The following NFAT5 variants were observed in gnomAD, a reference collection of about 807,000 sequenced individuals.
NFAT5 encodes the protein nuclear factor of activated T cells 5.
Under a neutral mutation model 166.5 loss-of-function variants are expected in NFAT5, and 31 were observed. The ratio of observed to expected loss-of-function variants is 0.19; its 90% CI spans 0.14 to 0.25. NFAT5 has a LOEUF of 0.25. Ranked by LOEUF, NFAT5 falls within the 10% of genes least tolerant of loss-of-function variation. The pLI is 1.00. For synonymous variants in NFAT5, 612 were observed against 639.7 expected, an observed-to-expected ratio of 0.96 and a Z score of 0.65; for missense variants, 1,449 against 1,821.8, an observed-to-expected ratio of 0.80 and a Z score of 3.72.
intron 11 of NFAT5, 169 bp from the exon 12 acceptor site, chr16:69,690,771 C>T: frequency 6.8e-6 from 3 of 441,666 alleles, no homozygotes; most frequent in Non-Finnish European, 1.2e-5. Context: ...AGCCAATGCA[C>T]TTCATAAAAG....
Position 69,702,815 on chromosome 16 carries a change from A to C in NFAT5, c.*6464A>C, listed in dbSNP as rs928205437. ...AATTCAGCTTAACCTGGTTATCTAT[A>C]ATCTTTTATTGGCAAAAGTTAATTC... On this transcript the variant is annotated 3_prime_UTR_variant, in exon 15 of 15. Coordinates refer to ENST00000349945, the MANE Select transcript of NFAT5 (RefSeq NM_138713.4). The C allele has an allele frequency of 6.6e-6, 1 of 152,622 alleles. No individual in the cohort carries two copies. Among genetic ancestry groups the C allele is most frequent in the African/African-American group, 2.4e-5 (1 of 41,444 alleles). 9.5% of individuals were successfully genotyped at this position (152,622 alleles called of 1,614,324 possible).
At chr16:69,575,893 C>T (rs1173799519) in intron 2 of NFAT5, among the ~76,000 whole-genome samples, 1 of 152,126 alleles carries the variant, frequency 6.6e-6, no homozygotes, top group Non-Finnish European at 1.5e-5. Flanking sequence ...AACTGAGGTA[C>T]AGAGGGATCT....
intron 3 of NFAT5, chr16:69,644,798 G>A (rs1445356757): frequency 2.2e-6 from 1 of 452,350 alleles, no homozygotes; most frequent in Admixed American, 2.4e-5. Context: ...CATGAACAGG[G>A]ATCCCTGAGA....
intron 6 of NFAT5, among the ~76,000 whole-genome samples, chr16:69,658,176 A>C (rs531327907): frequency 6.6e-6 from 1 of 152,036 alleles, no homozygotes; most frequent in African/African-American, 2.4e-5. Flanking sequence ...AATAGTACTT[A>C]TTCAATATAA....
intron 3 of NFAT5, 124 bp from the exon 4 acceptor site, chr16:69,646,904 C>A (rs1344182377): frequency 2.4e-5 from 20 of 849,128 alleles, no homozygotes; most frequent in Non-Finnish European, 3.5e-5. Flanking sequence ...TAAAACATAA[C>A]CAAATTCTGA....
chr16:69,627,865 G>A (rs1433163418), intron 3 of NFAT5, among the ~76,000 whole-genome samples: 2 of 152,124 alleles, frequency 1.3e-5, no homozygotes, highest in Non-Finnish European at 2.9e-5. Flanking sequence ...GGAATTTTAA[G>A]TTTTAAATCT....
rs79704764 is a variant in NFAT5 at position 69,589,648 on chromosome 16, C to T, written c.127+21100C>T. ...TAGAAACTTCAGGTTGCAGTGTCTA[C>T]CTCAGGATGATTCAAATCACTTTGA... is the stretch of plus-strand genomic sequence containing the variant. On this transcript the variant is annotated intron_variant, in intron 2 of 14. Coordinates refer to ENST00000349945, the MANE Select transcript of NFAT5 (RefSeq NM_138713.4). Among the ~76,000 whole-genome samples, 702 of 152,186 alleles carry T rather than the reference C, an allele frequency of 4.6e-3. 4 individuals are homozygous for T. Among genetic ancestry groups the T allele is most frequent in the Admixed American group, 8.2e-3 (126 of 15,278 alleles).
At chr16:69,638,513 C>G (rs991523126) in intron 3 of NFAT5, among the ~76,000 whole-genome samples, 8 of 152,066 alleles carry the variant, frequency 5.3e-5, no homozygotes, top group African/African-American at 1.9e-4. Flanking sequence ...GTGCGTGGAT[C>G]ACCTGAGGTC....
intron 3 of NFAT5, among the ~76,000 whole-genome samples, chr16:69,629,779 T>C (rs1016291790): frequency 4.0e-5 from 6 of 149,064 alleles, no homozygotes; most frequent in Non-Finnish European, 8.9e-5. Flanking sequence ...TTTTTTTTTT[T>C]TTTTTTTTTT....
intron 2 of NFAT5, among the ~76,000 whole-genome samples, chr16:69,579,554 T>A (rs2031532465): frequency 6.6e-6 from 1 of 152,124 alleles, no homozygotes; most frequent in Non-Finnish European, 1.5e-5. Flanking sequence ...AACAACATAC[T>A]TACAGTGTAA....
intron 3 of NFAT5, among the ~76,000 whole-genome samples, chr16:69,643,879 C>T (rs1226478582): frequency 6.6e-6 from 1 of 152,178 alleles, no homozygotes; most frequent in Non-Finnish European, 1.5e-5. Flanking sequence ...TTTACTACCT[C>T]ACATGGCATT....
intron 3 of NFAT5, among the ~76,000 whole-genome samples, chr16:69,634,384 T>G (rs561864312): frequency 1.3e-5 from 2 of 152,046 alleles, no homozygotes; most frequent in East Asian, 3.9e-4. Flanking sequence ...TTAAAATCAC[T>G]GGGTGCAAAT....
chr16:69,658,274 G>C (rs965845129), intron 6 of NFAT5, among the ~76,000 whole-genome samples: 6 of 152,062 alleles, frequency 3.9e-5, no homozygotes, highest in Admixed American at 1.3e-4. Flanking sequence ...TCTGAGGCCA[G>C]GACTTTGAGA....
Position 69,661,539 on chromosome 16 carries a change from T to TAAA in NFAT5, c.1369+1666_1369+1668dup, listed in dbSNP as rs1037382239. Among the ~76,000 whole-genome samples, 336 of 37,918 alleles carry TAAA rather than the reference T, an allele frequency of 8.9e-3. 24 individuals are homozygous for TAAA. The highest frequency in any genetic ancestry group is 0.035 in the African/African-American group (288 of 8,138). 24.9% of individuals were successfully genotyped at this position (37,918 alleles called of 152,430 possible). The stretch of plus-strand genomic sequence containing the variant: ...AGCCTGTATAAGAGACCCAGTCTCT[T>TAAA]AAAAAAAAAAAAAAAAAAAAAAAAA... On this transcript the variant is annotated intron_variant, in intron 7 of 14. Transcript: ENST00000349945.
intron 11 of NFAT5, among the ~76,000 whole-genome samples, chr16:69,688,447 CT>C (rs2037417293): frequency 1.3e-5 from 2 of 152,168 alleles, no homozygotes; most frequent in East Asian, 3.9e-4. Context: ...GTGGTCTCGG[CT>C]TACTGCAACC....
At chr16:69,651,031 AG>A (rs532826054) in intron 4 of NFAT5, among the ~76,000 whole-genome samples, 2 of 152,308 alleles carry the variant, frequency 1.3e-5, no homozygotes, top group South Asian at 4.2e-4. Context: ...TTATTCTTCC[AG>A]GGCCTTTTAA....
rs1336393710 is a variant in NFAT5 at position 69,700,146 on chromosome 16, C to T, written c.*3795C>T. Reference sequence around the variant, plus strand: ...TCTTCCCTTCCATCTCCCCCTCCTCCCTGCCTTCTTTGTTTCTCCTTCCCT... The same window carrying T: ...TCTTCCCTTCCATCTCCCCCTCCTCTCTGCCTTCTTTGTTTCTCCTTCCCT... On this transcript the variant is annotated 3_prime_UTR_variant, in exon 15 of 15. Transcript: ENST00000349945. The T allele has an allele frequency of 6.6e-6, 1 of 151,936 alleles. No homozygotes were observed. The highest frequency in any genetic ancestry group is 2.4e-5 in the African/African-American group (1 of 41,316). 9.4% of individuals were successfully genotyped at this position (151,936 alleles called of 1,614,324 possible).
At chr16:69,618,542 A>G (rs116583859) in intron 2 of NFAT5, among the ~76,000 whole-genome samples, 1,760 of 152,334 alleles carry the variant, frequency 0.012, 26 homozygotes, top group African/African-American at 0.037. Context: ...TCTCTCTTCA[A>G]TGCAGAACGA....
intron 11 of NFAT5, among the ~76,000 whole-genome samples, chr16:69,688,387 A>G (rs570161477): frequency 6.6e-6 from 1 of 151,752 alleles, no homozygotes; most frequent in Non-Finnish European, 1.5e-5. Flanking sequence ...TATTATTATT[A>G]TTATTTGAGA....
Sources: allele counts gnomAD v4.1 joint callset (sites outside exome capture counted in the v4.1 genomes callset), GRCh38; gene constraint gnomAD v4.1.1; transcripts MANE v1.5; gene names NCBI Gene and HGNC (gene_info 2026-07-23, HGNC 2026-07-21).